Variants in BPTF observed in about 807,000 individuals in gnomAD.
BPTF encodes the protein bromodomain PHD finger transcription factor.
Under a neutral mutation model 292.5 loss-of-function variants are expected in BPTF, and 18 were observed. The observed-to-expected ratio is 0.06, with a 90% CI of 0.04 to 0.09. BPTF has a LOEUF of 0.09. Ranked by LOEUF, BPTF falls within the 10% of genes least tolerant of loss-of-function variation. The probability of loss-of-function intolerance (pLI) is 1.00; values close to 1 mark genes in which losing one functional copy is unlikely to be tolerated. For synonymous variants in BPTF, 1,225 were observed against 1,251.9 expected (o/e 0.98, Z 0.45); for missense variants, 2,726 against 3,498.7 (o/e 0.78, Z 5.57).
chr17:67,835,663 ATTTTTTTTT>A (rs142633440), intron 1 of BPTF, among the ~76,000 whole-genome samples: 5 of 141,208 alleles, frequency 3.5e-5, no homozygotes, highest in Admixed American at 7.0e-5. Context: ...AGTCCTGGTA[ATTTTTTTTT>A]TTTTTTTTTT....
chr17:67,913,651 A>G (rs2062798881), intron 11 of BPTF, among the ~76,000 whole-genome samples: 1 of 152,250 alleles, frequency 6.6e-6, no homozygotes, highest in African/African-American at 2.4e-5. Context: ...GCTTAGTTGC[A>G]TGATAAACAT....
At chr17:67,887,049 A>G (rs1286391176) in intron 4 of BPTF, among the ~76,000 whole-genome samples, 2 of 152,214 alleles carry the variant, frequency 1.3e-5, no homozygotes, top group African/African-American at 4.8e-5. Flanking sequence ...AAAAACAGTG[A>G]TGGCTACTGC....
At chr17:67,826,585 C>CG (rs1004623279) in intron 1 of BPTF, among the ~76,000 whole-genome samples, 1 of 147,828 alleles carries the variant, frequency 6.8e-6, no homozygotes. Context: ...CTCTCTCCCC[C>CG]CCCCAACCCC....
At chr17:67,876,732 C>T (rs146071247) in intron 4 of BPTF, among the ~76,000 whole-genome samples, 6 of 152,150 alleles carry the variant, frequency 3.9e-5, no homozygotes, top group South Asian at 2.1e-4. Context: ...CTTGAACCCA[C>T]GAGGTAGAGG....
intron 2 of BPTF, among the ~76,000 whole-genome samples, chr17:67,856,120 T>G (rs1567910060): frequency 6.6e-6 from 1 of 152,242 alleles, no homozygotes; most frequent in Admixed American, 6.5e-5. Context: ...GGACTTCCTA[T>G]TTTGGTCTTC....
chr17:67,945,353 T>C, intron 20 of BPTF, 56 bp from the exon 21 acceptor site: 1 of 1,548,002 alleles, frequency 6.5e-7, no homozygotes, highest in Non-Finnish European at 8.7e-7. Flanking sequence ...GATTCTTCTT[T>C]AACCACAGTT....
chr17:67,952,113 AG>A lies in BPTF; in HGVS notation c.7926+3808del, dbSNP rs201201162. Among the ~76,000 whole-genome samples, 814 of 151,324 alleles carry A rather than the reference AG, an allele frequency of 5.4e-3. 26 individuals carry two copies. Among genetic ancestry groups the A allele is most frequent in the Admixed American group, 0.044 (668 of 15,096 alleles). On this transcript the variant is annotated intron_variant, in intron 23 of 27. Coordinates refer to ENST00000306378, the MANE Select transcript of BPTF (RefSeq NM_182641.4). ...GGTAATTTGCTTTGAGTTTGAGACC[AG>A]CCTGTCCAACATGGTGAATCCCCGT...
At chr17:67,934,524 A>G (rs1387492649) in intron 18 of BPTF, among the ~76,000 whole-genome samples, 2 of 151,938 alleles carry the variant, frequency 1.3e-5, no homozygotes, top group African/African-American at 2.4e-5. Context: ...TGTCTCAAAA[A>G]AAAAAAGAAA....
intron 17 of BPTF, among the ~76,000 whole-genome samples, chr17:67,931,500 T>A (rs2064384014): frequency 6.6e-6 from 1 of 152,010 alleles, no homozygotes; most frequent in African/African-American, 2.4e-5. Context: ...AATAAATAAA[T>A]AATTTTTAAA....
At chr17:67,827,246 C>T (rs2056160362) in intron 1 of BPTF, among the ~76,000 whole-genome samples, 1 of 152,156 alleles carries the variant, frequency 6.6e-6, no homozygotes, top group Non-Finnish European at 1.5e-5. Flanking sequence ...CTAAGTCACA[C>T]GGCATCAGTA....
chr17:67,878,003 T>C (rs2145831281), intron 4 of BPTF, among the ~76,000 whole-genome samples: 1 of 152,356 alleles, frequency 6.6e-6, no homozygotes, highest in Non-Finnish European at 1.5e-5. Context: ...GATGGATGTT[T>C]ACGAAGTTAA....
At chr17:67,862,240 T>G (rs1035983527) in intron 2 of BPTF, among the ~76,000 whole-genome samples, 3 of 152,222 alleles carry the variant, frequency 2.0e-5, no homozygotes, top group Non-Finnish European at 4.4e-5. Context: ...ACTCCGAAAG[T>G]GCTGGGATTA....
chr17:67,944,550 G>T, intron 20 of BPTF, 178 bp downstream of exon 20: 1 of 653,474 alleles, frequency 1.5e-6, no homozygotes, highest in South Asian at 1.9e-5. Flanking sequence ...TATTCTTACA[G>T]ACTCCCTGTT....
At position 67,936,208 on chromosome 17, in the gene BPTF, G is replaced by T. The variant is rs537774246; in HGVS notation, c.6259+4189G>T. Among the ~76,000 whole-genome samples, 22 of 152,166 alleles carry T rather than the reference G, an allele frequency of 1.4e-4. 1 individual carries two copies. The highest frequency in any genetic ancestry group is 1.4e-3 in the Admixed American group (21 of 15,282). The stretch of plus-strand genomic sequence containing the variant: ...AATATGAAATATAGCAGGGTTTTTT[G>T]TTGTTGTTGTTTTGTTTTAAGGCAA... On this transcript the variant is annotated intron_variant, in intron 18 of 27. Coordinates refer to ENST00000306378, the MANE Select transcript of BPTF (RefSeq NM_182641.4).
At chr17:67,953,819 A>C (rs2066629879) in intron 23 of BPTF, among the ~76,000 whole-genome samples, 1 of 151,928 alleles carries the variant, frequency 6.6e-6, no homozygotes, top group Non-Finnish European at 1.5e-5. Flanking sequence ...ACCTCAGGTT[A>C]TCCACCCACC....
intron 4 of BPTF, among the ~76,000 whole-genome samples, chr17:67,885,279 G>A (rs1412878399): frequency 1.3e-5 from 2 of 152,094 alleles, no homozygotes; most frequent in Non-Finnish European, 2.9e-5. Context: ...CTATTAAATT[G>A]TCCTCAGAAG....
In BPTF at chr17:67,923,063, T is replaced by C. The variant is rs2063564781; in HGVS notation, c.5708+73T>C. On this transcript the variant is annotated intron_variant, in intron 14 of 27. Transcript: ENST00000306378. ...TTCAGAATCAATAAATTACTTTTTT[T>C]TTTTTTTTTTGAGACAGGATCTTGC... is the stretch of plus-strand genomic sequence containing the variant. 6.7e-6 allele frequency: 10 copies of C among 1,500,678 alleles called. No homozygotes were observed. The South Asian group carries it at 9.3e-5, about 14-fold the overall frequency. The allele number at this position is 1,500,678 out of a possible 1,614,324, so 93.0% of individuals were successfully genotyped here. A position where few individuals can be genotyped will look rare whatever the true frequency, so the allele number is the denominator to read the frequency against.
At chr17:67,932,684 G>C (rs1032414653) in intron 18 of BPTF, among the ~76,000 whole-genome samples, 4 of 152,076 alleles carry the variant, frequency 2.6e-5, no homozygotes, top group Non-Finnish European at 4.4e-5. Flanking sequence ...TTGGGCAACA[G>C]AGTGAGACCC....
Position 67,911,353 on chromosome 17 carries a change from A to G in BPTF, c.3469A>G (p.Thr1157Ala). 3.1e-6 allele frequency: 5 copies of G among 1,614,156 alleles called. No homozygotes were observed. The highest frequency in any genetic ancestry group is 3.4e-6 in the Non-Finnish European group (4 of 1,180,018). ...VLRMSDPSHT[T>A]NKLYPKDRVL... Reference sequence around the variant, plus strand: ...TAGAATGAGTGATCCTAGTCATACCACAAACAAACTTTATCCAAAAGATCG... The same window carrying G: ...TAGAATGAGTGATCCTAGTCATACCGCAAACAAACTTTATCCAAAAGATCG... The change falls in exon 11 of 28, where the codon ACA (threonine) becomes GCA (alanine). Residue 1157 changes from threonine to alanine, a missense_variant. Physicochemically the swap from Thr to Ala is moderately conservative, Grantham distance 58 (BLOSUM62 0). Coordinates refer to ENST00000306378, the MANE Select transcript of BPTF (RefSeq NM_182641.4).
Sources: allele counts gnomAD v4.1 joint callset (sites outside exome capture counted in the v4.1 genomes callset), GRCh38; gene constraint gnomAD v4.1.1; transcripts MANE v1.5; gene names NCBI Gene and HGNC (gene_info 2026-07-23, HGNC 2026-07-21).